SLC2A12: variants seen among roughly 807,000 people sequenced by gnomAD.
SLC2A12 encodes solute carrier family 2, facilitated glucose transporter member 12.
A neutral mutation model predicts 41.8 loss-of-function variants in SLC2A12; 23 were observed. The ratio of observed to expected loss-of-function variants is 0.55; its 90% confidence interval spans 0.40 to 0.78. The LOEUF (loss-of-function observed/expected upper bound fraction) is 0.78. Among genes scored for constraint, SLC2A12 ranks in the 30% least tolerant of loss-of-function variants. SLC2A12 has a pLI of 0.00. For synonymous variants in SLC2A12, 295 were observed against 285.9 expected (o/e 1.03, Z -0.32); for missense variants, 654 against 745.6 (o/e 0.88, Z 1.43).
rs200628497 is a variant in SLC2A12 at position 133,991,109 on chromosome 6, T to C, written c.*46A>G. On this transcript the variant is annotated 3_prime_UTR_variant, in exon 5 of 5. Coordinates refer to ENST00000275230, the MANE Select transcript of SLC2A12 (RefSeq NM_145176.3). ...ACTATGCATTGGTCCAAAGACACCC[T>C]CCTAAGTGTTCTGGCACTATCCACG... is the stretch of plus-strand genomic sequence containing the variant. 1.7e-4 allele frequency: 271 copies of C among 1,577,114 alleles called. No homozygotes were observed. In the African/African-American group the frequency reaches 2.7e-3, roughly 16 times the overall value.
chr6:134,044,349 G>A (rs914886465), intron 1 of SLC2A12, among the ~76,000 whole-genome samples: 1 of 152,122 alleles, frequency 6.6e-6, no homozygotes, highest in Non-Finnish European at 1.5e-5. Context: ...TATCCACTCA[G>A]TATTTGCTGA....
rs1776560308 is a variant in SLC2A12, at chr6:133,987,812, G to T, written c.*3343C>A. 1 of 152,444 alleles carries T rather than the reference G, an allele frequency of 6.6e-6. No individual in the cohort carries two copies. Among genetic ancestry groups the T allele is most frequent in the African/African-American group, 2.4e-5 (1 of 41,388 alleles). 9.4% of individuals were successfully genotyped at this position (152,444 alleles called of 1,614,324 possible). The stretch of plus-strand genomic sequence containing the variant: ...TTATAGATAAAGGATAATGTTTTAT[G>T]TTGCTAATTTAATATGATAGAAAAT... On this transcript the variant is annotated 3_prime_UTR_variant, in exon 5 of 5. Coordinates refer to ENST00000275230, the MANE Select transcript of SLC2A12 (RefSeq NM_145176.3).
chr6:133,993,175 G>A (rs73550526), intron 4 of SLC2A12, among the ~76,000 whole-genome samples: 1 of 151,998 alleles, frequency 6.6e-6, no homozygotes, highest in Admixed American at 6.5e-5. Flanking sequence ...TTCTCTCTCT[G>A]TTCTCTGACC....
chr6:134,021,406 C>T (rs189528672), intron 2 of SLC2A12, among the ~76,000 whole-genome samples: 21 of 152,276 alleles, frequency 1.4e-4, no homozygotes, highest in Admixed American at 8.5e-4. Context: ...ATGTTTCTTC[C>T]TTCAAAATGC....
chr6:134,022,480 G>A (rs1047936188), intron 2 of SLC2A12, among the ~76,000 whole-genome samples: 13 of 145,502 alleles, frequency 8.9e-5, no homozygotes, highest in Non-Finnish European at 1.7e-4. Flanking sequence ...GCAGTGAGCC[G>A]AGATCACACC....
At chr6:133,996,092 T>C (rs1185398812) in intron 4 of SLC2A12, among the ~76,000 whole-genome samples, 1 of 152,274 alleles carries the variant, frequency 6.6e-6, no homozygotes, top group East Asian at 1.9e-4. Flanking sequence ...TTGTACTCGC[T>C]GATAATGTTA....
intron 2 of SLC2A12, among the ~76,000 whole-genome samples, chr6:134,022,199 T>G (rs1777049532): frequency 6.6e-6 from 1 of 151,738 alleles, no homozygotes; most frequent in Non-Finnish European, 1.5e-5. Flanking sequence ...TACCTAGGGT[T>G]CTATTCCCAA....
chr6:134,032,425 T>TA (rs1562201589), intron 1 of SLC2A12, among the ~76,000 whole-genome samples: 679 of 32,030 alleles, frequency 0.021, 14 homozygotes, highest in African/African-American at 0.06. Flanking sequence ...TATATATATA[T>TA]TTATATATAT....
rs113737776 is a variant in SLC2A12, at chr6:134,051,186, A to G, written c.103+1192T>C. On this transcript the variant is annotated intron_variant, in intron 1 of 4. Transcript: ENST00000275230. ...AGTGATCTGCCCACCTTGGCCTCCC[A>G]AAGTGCTGAGATTACAGGCATGAGC... Among the ~76,000 whole-genome samples the G allele has an allele frequency of 8.0e-3, 1,221 of 152,240 alleles. 13 individuals are homozygous for G. The highest frequency in any genetic ancestry group is 0.026 in the African/African-American group (1,094 of 41,534).
chr6:134,044,864 T>C (rs1777435334), intron 1 of SLC2A12, among the ~76,000 whole-genome samples: 1 of 152,218 alleles, frequency 6.6e-6, no homozygotes, highest in African/African-American at 2.4e-5. Flanking sequence ...TCTTTACTCA[T>C]TGACTCCTTC....
intron 2 of SLC2A12, among the ~76,000 whole-genome samples, chr6:134,014,129 C>T (rs755130734): frequency 3.9e-5 from 6 of 152,124 alleles, no homozygotes; most frequent in East Asian, 1.9e-4. Context: ...TTTCCACAGA[C>T]GGGGGCAGGA....
At chr6:134,018,654 A>G (rs1776999872) in intron 2 of SLC2A12, among the ~76,000 whole-genome samples, 1 of 152,096 alleles carries the variant, frequency 6.6e-6, no homozygotes, top group South Asian at 2.1e-4. Context: ...TCCTCCAAGC[A>G]TGCCCTTTCA....
At chr6:134,031,821 G>A (rs369618090) in intron 1 of SLC2A12, among the ~76,000 whole-genome samples, 27 of 152,180 alleles carry the variant, frequency 1.8e-4, no homozygotes, top group African/African-American at 6.5e-4. Flanking sequence ...ATATGTATTT[G>A]GAAGCCAGCA....
At chr6:134,013,219 A>G (rs1776911337) in intron 2 of SLC2A12, among the ~76,000 whole-genome samples, 1 of 151,740 alleles carries the variant, frequency 6.6e-6, no homozygotes, top group South Asian at 2.1e-4. Flanking sequence ...TGAACCCTGG[A>G]GGTGGAGGTG....
chr6:134,028,564 G>A lies in SLC2A12; in HGVS notation c.1261C>T (p.Pro421Ser). ...CTCTTATCCACATCATTTCTCAGGG[G>A]CATGAGTGAGCTTCTGCTATGGGAA... ...ISSHSRSSLM[P>S]LRNDVDKRGE... The change falls in exon 2 of 5, where the codon CCC (proline) becomes TCC (serine). Residue 421 changes from proline (P) to serine (S), a missense_variant. Pro to Ser is a moderately conservative substitution (Grantham distance 74). Coordinates refer to ENST00000275230, the MANE Select transcript of SLC2A12 (RefSeq NM_145176.3). 6.2e-7 allele frequency: 1 copy of A among 1,614,130 alleles called. No individual in the cohort carries two copies. The highest frequency in any genetic ancestry group is 1.1e-5 in the South Asian group (1 of 91,072).
At chr6:134,004,574 T>C (rs905382516) in intron 3 of SLC2A12, among the ~76,000 whole-genome samples, 1 of 152,214 alleles carries the variant, frequency 6.6e-6, no homozygotes, top group African/African-American at 2.4e-5. Context: ...ATTTGTTTCA[T>C]AGAACTTCCC....
rs1213498206 is a variant in SLC2A12, at chr6:134,029,595, T to TGGCA, written c.226_229dup (p.His77LeufsTer3). On this transcript the variant is annotated frameshift_variant, in exon 2 of 5. Coordinates refer to ENST00000275230, the MANE Select transcript of SLC2A12 (RefSeq NM_145176.3). LOFTEE classifies it high-confidence loss of function. ...GGAGCTCACAACCATTTCCTGCTCA[T>TGGCA]GGCAGCTCAGGGCTAATAAGGTTTT... 1.9e-6 allele frequency: 3 copies of TGGCA among 1,613,944 alleles called. No individual in the cohort carries two copies. Among genetic ancestry groups the TGGCA allele is most frequent in the Non-Finnish European group, 2.5e-6 (3 of 1,180,012 alleles).
chr6:134,026,734 C>A (rs947924594), intron 2 of SLC2A12, among the ~76,000 whole-genome samples: 4 of 152,198 alleles, frequency 2.6e-5, no homozygotes, highest in Non-Finnish European at 4.4e-5. Context: ...AGTCTTATAG[C>A]GGGAAATATG....
intron 1 of SLC2A12, among the ~76,000 whole-genome samples, chr6:134,048,989 C>A (rs1025171505): frequency 2.6e-5 from 4 of 152,150 alleles, no homozygotes; most frequent in Non-Finnish European, 5.9e-5. Context: ...TTCCAGGGGG[C>A]CCATTTTAAG....
Sources: gnomAD v4.1 joint callset for allele counts (sites outside exome capture counted in the v4.1 genomes callset) on GRCh38, gnomAD v4.1.1 for gene constraint, MANE v1.5 for transcripts, NCBI Gene and HGNC (gene_info 2026-07-23, HGNC 2026-07-21) for gene names.